Variants in LGSN observed in about 807,000 individuals in gnomAD.
The protein encoded by LGSN is lengsin.
A neutral mutation model predicts 19.5 loss-of-function variants in LGSN; 21 were observed. That is an observed-to-expected ratio of 1.07 (90% CI 0.76 to 1.55). LGSN has a LOEUF of 1.55. Ranked by LOEUF, LGSN falls within the 40% of genes most tolerant of loss-of-function variation. The pLI, the probability that LGSN is intolerant of heterozygous loss-of-function variation, is 0.00. For missense variants in LGSN, 673 were observed against 608.5 expected, an observed-to-expected ratio of 1.11 and a Z score of -1.12; for synonymous variants, 257 against 215.6, an observed-to-expected ratio of 1.19 and a Z score of -1.68.
chr6:63,547,462 T>C, the LGSN span, among the ~76,000 whole-genome samples: 1 of 151,462 alleles, frequency 6.6e-6, no homozygotes, highest in Non-Finnish European at 1.5e-5. Flanking sequence ...AGTGCTGGGA[T>C]TACAGGCGTC....
the LGSN span, among the ~76,000 whole-genome samples, chr6:63,383,053 C>G: frequency 3.9e-5 from 6 of 152,138 alleles, no homozygotes; most frequent in Non-Finnish European, 8.8e-5. Flanking sequence ...ACTGCTTAAC[C>G]TTTCCTGCTT....
At chr6:63,338,866 G>A in the LGSN span, among the ~76,000 whole-genome samples, 1 of 152,016 alleles carries the variant, frequency 6.6e-6, no homozygotes, top group African/African-American at 2.4e-5. Context: ...GTTGTGTTGT[G>A]TCTCCATTTT....
chr6:63,464,410 A>G, the LGSN span, among the ~76,000 whole-genome samples: 2 of 152,058 alleles, frequency 1.3e-5, no homozygotes, highest in Non-Finnish European at 2.9e-5. Flanking sequence ...TATAATATTA[A>G]TCAACTCATT....
the LGSN span, among the ~76,000 whole-genome samples, chr6:63,412,529 G>GAAGGAAAGAAAGAAAGAAA: frequency 3.5e-3 from 112 of 32,346 alleles, 1 homozygote; most frequent in East Asian, 5.1e-3. Flanking sequence ...AAAGAAAGAA[G>GAAGGAAAGAAAGAAAGAAA]GAAAGAAAGA....
At chr6:63,453,575 A>G in the LGSN span, among the ~76,000 whole-genome samples, 1 of 152,000 alleles carries the variant, frequency 6.6e-6, no homozygotes, top group Non-Finnish European at 1.5e-5. Flanking sequence ...TCTGATTTTA[A>G]TAGAACCACC....
chr6:63,449,316 G>GC, the LGSN span, among the ~76,000 whole-genome samples: 1 of 152,102 alleles, frequency 6.6e-6, no homozygotes, highest in African/African-American at 2.4e-5. Context: ...GGAGGCCGAG[G>GC]CGGGCGGATC....
chr6:63,440,563 C>CT, the LGSN span, among the ~76,000 whole-genome samples: 11 of 152,202 alleles, frequency 7.2e-5, no homozygotes, highest in African/African-American at 2.7e-4. Context: ...ATAGAGCAGG[C>CT]ACTCTACAGC....
At chr6:63,293,238 C>T (rs1320248845) in intron 2 of LGSN, among the ~76,000 whole-genome samples, 2 of 152,190 alleles carry the variant, frequency 1.3e-5, no homozygotes, top group Non-Finnish European at 2.9e-5. Flanking sequence ...CTCAAGTGAT[C>T]TCCCCTCCTC....
the LGSN span, among the ~76,000 whole-genome samples, chr6:63,347,340 C>G: frequency 6.6e-6 from 1 of 152,042 alleles, no homozygotes; most frequent in South Asian, 2.1e-4. Context: ...CTCCAAAGTA[C>G]TTTGAATTTG....
intron 1 of LGSN, among the ~76,000 whole-genome samples, chr6:63,299,330 CTT>C (rs1768098917): frequency 6.6e-6 from 1 of 152,172 alleles, no homozygotes; most frequent in South Asian, 2.1e-4. Context: ...ACTAGAGACT[CTT>C]ATCATTGACT....
chr6:63,480,280 G>T, the LGSN span: 2 of 216,438 alleles, frequency 9.2e-6, no homozygotes, highest in African/African-American at 2.3e-5. Flanking sequence ...CCGGTAATTT[G>T]TGTCATGCTC....
At chr6:63,507,686 T>C in the LGSN span, among the ~76,000 whole-genome samples, 1 of 152,216 alleles carries the variant, frequency 6.6e-6, no homozygotes, top group African/African-American at 2.4e-5. Context: ...CTTCATCCTT[T>C]CTGCCAAACA....
chr6:63,290,640 G>T lies in LGSN; in HGVS notation c.163+4273C>A, dbSNP rs183488811. Reference sequence around the variant, plus strand: ...ACTCTGAGGTAGTCTAGATGGGCAGGCAACCTCTACTTCACGGGGTGGCAA... The same window carrying T: ...ACTCTGAGGTAGTCTAGATGGGCAGTCAACCTCTACTTCACGGGGTGGCAA... On this transcript the variant is annotated intron_variant, in intron 2 of 3. Transcript: ENST00000370657. Among the ~76,000 whole-genome samples the T allele has an allele frequency of 1.1e-3, 166 of 152,306 alleles. 2 individuals are homozygous for T. Among genetic ancestry groups the T allele is most frequent in the African/African-American group, 3.7e-3 (152 of 41,568 alleles).
chr6:63,445,262 G>C, the LGSN span, among the ~76,000 whole-genome samples: 1 of 152,132 alleles, frequency 6.6e-6, no homozygotes, highest in East Asian at 1.9e-4. Flanking sequence ...AATGAGCAGA[G>C]ATCGCGTCAT....
the LGSN span, among the ~76,000 whole-genome samples, chr6:63,514,227 T>G: frequency 1.3e-5 from 2 of 152,106 alleles, no homozygotes; most frequent in Non-Finnish European, 2.9e-5. Context: ...TTTGGCTTTT[T>G]TTTGTTTTGT....
At chr6:63,320,072 T>C, upstream of LGSN, 1 of 709,316 alleles carries the variant, frequency 1.4e-6, no homozygotes, top group South Asian at 1.6e-5. Context: ...TCCAGAGGGG[T>C]CTGGCAGGTA....
rs117049636 is a variant in LGSN at position 63,284,774 on chromosome 6, A to T, written c.330+813T>A. 9.2e-5 allele frequency among the ~76,000 whole-genome samples: 14 copies of T among 152,330 alleles called. No homozygotes were observed. The East Asian group carries it at 2.7e-3, about 29-fold the overall frequency. On this transcript the variant is annotated intron_variant, in intron 3 of 3. Transcript: ENST00000370657. ...AGGTCCAAATAATTCCTTAAGAAAC[A>T]AGTTTGAATCTGTTAGAATTATTTA...
chr6:63,421,611 C>T, the LGSN span, among the ~76,000 whole-genome samples: 1 of 151,864 alleles, frequency 6.6e-6, no homozygotes, highest in Admixed American at 6.6e-5. Flanking sequence ...GCCTGTAGTC[C>T]CAGCTATTCA....
intron 1 of LGSN, among the ~76,000 whole-genome samples, chr6:63,313,837 AAAATAAAT>A (rs56286412): frequency 1.8e-4 from 27 of 147,646 alleles, no homozygotes; most frequent in East Asian, 9.9e-4. Context: ...CCCTGTCTCA[AAAATAAAT>A]AAATAAATAA....
Sources: gnomAD v4.1 joint callset for allele counts (sites outside exome capture counted in the v4.1 genomes callset) on GRCh38, gnomAD v4.1.1 for gene constraint, MANE v1.5 for transcripts, NCBI Gene and HGNC (gene_info 2026-07-23, HGNC 2026-07-21) for gene names.